Variants in HIVEP3 observed in about 807,000 individuals in gnomAD.
The protein encoded by HIVEP3 is HIVEP zinc finger 3.
A neutral mutation model predicts 152.8 loss-of-function variants in HIVEP3; 49 were observed. That is an observed-to-expected ratio of 0.32 (90% CI 0.26 to 0.41). The LOEUF is 0.41. Ranked by LOEUF, HIVEP3 falls within the 10% of genes least tolerant of loss-of-function variation. The pLI is 1.00. For synonymous variants in HIVEP3, 1,269 were observed against 1,289.0 expected (o/e 0.98, Z 0.33); for missense variants, 2,790 against 3,103.3 (o/e 0.90, Z 2.40).
intron 2 of HIVEP3, among the ~76,000 whole-genome samples, chr1:41,656,604 G>A (rs1227410326): frequency 6.6e-6 from 1 of 152,220 alleles, no homozygotes; most frequent in Non-Finnish European, 1.5e-5. Flanking sequence ...ACTCTCCAAA[G>A]CAGCAATGCA....
intron 1 of HIVEP3, among the ~76,000 whole-genome samples, chr1:41,760,252 G>A (rs1647581746): frequency 6.6e-6 from 1 of 152,198 alleles, no homozygotes; most frequent in African/African-American, 2.4e-5. Flanking sequence ...GTCAATTCAT[G>A]GAAAGCATTC....
chr1:41,550,655 C>T (rs186810629), intron 5 of HIVEP3, among the ~76,000 whole-genome samples: 3 of 152,248 alleles, frequency 2.0e-5, no homozygotes, highest in African/African-American at 4.8e-5. Flanking sequence ...TGGGAGTTCA[C>T]TCATGATTTG....
At chr1:41,932,275 T>C (rs925033626) in intron 1 of HIVEP3, among the ~76,000 whole-genome samples, 10 of 152,038 alleles carry the variant, frequency 6.6e-5, no homozygotes, top group African/African-American at 2.4e-4. Flanking sequence ...AGTGTTGAAC[T>C]AGCCTTGCAT....
At chr1:41,725,481 A>G (rs1646739327) in intron 1 of HIVEP3, among the ~76,000 whole-genome samples, 1 of 152,222 alleles carries the variant, frequency 6.6e-6, no homozygotes. Flanking sequence ...TGGAATAACT[A>G]AGAATTCCCA....
intron 1 of HIVEP3, among the ~76,000 whole-genome samples, chr1:41,799,776 A>G (rs1285831553): frequency 6.6e-6 from 1 of 152,090 alleles, no homozygotes; most frequent in Non-Finnish European, 1.5e-5. Flanking sequence ...CAAAAAATGC[A>G]TGTTAAAAAT....
At chr1:41,577,484 T>G (rs1235398965) in intron 4 of HIVEP3, among the ~76,000 whole-genome samples, 1 of 152,112 alleles carries the variant, frequency 6.6e-6, no homozygotes, top group Non-Finnish European at 1.5e-5. Context: ...AGTGCTGTGT[T>G]GTTGTCAAAA....
chr1:41,946,392 T>G (rs1437510971), intron 1 of HIVEP3, among the ~76,000 whole-genome samples: 1 of 152,192 alleles, frequency 6.6e-6, no homozygotes, highest in African/African-American at 2.4e-5. Flanking sequence ...AACTGTCTCC[T>G]GGACACTGGC....
At chr1:41,757,514 T>C (rs1427776004) in intron 1 of HIVEP3, among the ~76,000 whole-genome samples, 1 of 151,778 alleles carries the variant, frequency 6.6e-6, no homozygotes, top group Non-Finnish European at 1.5e-5. Context: ...TAGTGAGCTA[T>C]GCTCATGCCA....
intron 1 of HIVEP3, among the ~76,000 whole-genome samples, chr1:41,967,469 G>T (rs1204080060): frequency 6.6e-6 from 1 of 152,148 alleles, no homozygotes; most frequent in Non-Finnish European, 1.5e-5. Flanking sequence ...ATAATGAAAG[G>T]CAGAAATCAA....
intron 1 of HIVEP3, among the ~76,000 whole-genome samples, chr1:41,964,660 T>C (rs1645188128): frequency 6.6e-6 from 1 of 152,218 alleles, no homozygotes; most frequent in Non-Finnish European, 1.5e-5. Context: ...TGGCAGATCA[T>C]GGCCAGACTG....
intron 1 of HIVEP3, among the ~76,000 whole-genome samples, chr1:41,737,144 T>C (rs1393369779): frequency 6.6e-6 from 1 of 152,214 alleles, no homozygotes; most frequent in Non-Finnish European, 1.5e-5. Context: ...TTGGATCTAA[T>C]TGGCCAGGGT....
At chr1:42,020,978 G>A (rs1645550011) in intron 1 of HIVEP3, among the ~76,000 whole-genome samples, 1 of 152,184 alleles carries the variant, frequency 6.6e-6, no homozygotes, top group African/African-American at 2.4e-5. Context: ...CAGAGTGAGT[G>A]AGAGAGAAGC....
At chr1:41,648,145 C>T (rs759965047) in intron 2 of HIVEP3, among the ~76,000 whole-genome samples, 2 of 152,346 alleles carry the variant, frequency 1.3e-5, no homozygotes, top group South Asian at 4.2e-4. Context: ...TATAGACCAA[C>T]GAATGCCCGG....
At chr1:41,649,636 C>T (rs1369570378) in intron 2 of HIVEP3, among the ~76,000 whole-genome samples, 1 of 152,146 alleles carries the variant, frequency 6.6e-6, no homozygotes, top group Non-Finnish European at 1.5e-5. Flanking sequence ...TAATAGCTTC[C>T]TTCTCCAAAG....
intron 1 of HIVEP3, among the ~76,000 whole-genome samples, chr1:42,013,424 C>T (rs1373845973): frequency 6.6e-6 from 1 of 152,142 alleles, no homozygotes; most frequent in Non-Finnish European, 1.5e-5. Flanking sequence ...ATGTTCAAGC[C>T]CAAACTCTTC....
At chr1:41,633,519 C>G (rs1368926833) in intron 2 of HIVEP3, among the ~76,000 whole-genome samples, 2 of 152,144 alleles carry the variant, frequency 1.3e-5, no homozygotes, top group Non-Finnish European at 2.9e-5. Context: ...GAAAGTACCT[C>G]CCCACACACC....
At chr1:41,561,599 A>G (rs561852158) in intron 5 of HIVEP3, among the ~76,000 whole-genome samples, 44 of 150,558 alleles carry the variant, frequency 2.9e-4, no homozygotes, top group Non-Finnish European at 5.2e-4. Context: ...TGCAACCTTG[A>G]CCTCCTGGGC....
intron 1 of HIVEP3, among the ~76,000 whole-genome samples, chr1:41,708,125 C>A (rs1290280647): frequency 6.6e-6 from 1 of 152,190 alleles, no homozygotes; most frequent in East Asian, 1.9e-4. Flanking sequence ...GAATCCTCTG[C>A]CCTATCAGGG....
chr1:41,897,779 C>T (rs1021592130), intron 1 of HIVEP3, among the ~76,000 whole-genome samples: 4 of 152,010 alleles, frequency 2.6e-5, no homozygotes, highest in African/African-American at 9.7e-5. Context: ...AAGAGCCTAA[C>T]GTGTGGTCAT....
Sources: allele counts gnomAD v4.1 joint callset (sites outside exome capture counted in the v4.1 genomes callset), GRCh38; gene constraint gnomAD v4.1.1; transcripts MANE v1.5; gene names NCBI Gene and HGNC (gene_info 2026-07-23, HGNC 2026-07-21).